The following PDK1 variants were observed in gnomAD, a reference collection of about 807,000 sequenced individuals.
PDK1 encodes [Pyruvate dehydrogenase (acetyl-transferring)] kinase isozyme 1, mitochondrial.
In PDK1, 39 loss-of-function variants were observed where a neutral mutation model predicts 54.2. That is an observed-to-expected ratio of 0.72 (90% confidence interval 0.56 to 0.94). The LOEUF is 0.94. Ranked by LOEUF, PDK1 falls within the 40% of genes least tolerant of loss-of-function variation. PDK1 has a pLI of 0.00. For synonymous variants in PDK1, 221 were observed against 207.1 expected, an observed-to-expected ratio of 1.07 and a Z score of -0.58; for missense variants, 552 against 566.0, an observed-to-expected ratio of 0.98 and a Z score of 0.25.
intron 1 of PDK1, 64 bp downstream of exon 1, chr2:172,556,410 C>T (rs1312302601): frequency 2.4e-6 from 3 of 1,242,686 alleles, no homozygotes; most frequent in East Asian, 3.0e-5. Context: ...GCGGCCGCTG[C>T]CCCAGGCCGG....
At chr2:172,573,975 G>A (rs1689440052) in intron 8 of PDK1, among the ~76,000 whole-genome samples, 1 of 152,060 alleles carries the variant, frequency 6.6e-6, no homozygotes, top group Non-Finnish European at 1.5e-5. Context: ...CACATTGCAT[G>A]TGATTTCAGT....
At chr2:172,701,054 G>C in the PDK1 span, among the ~76,000 whole-genome samples, 2 of 152,000 alleles carry the variant, frequency 1.3e-5, no homozygotes, top group African/African-American at 2.4e-5. Flanking sequence ...AGGGAGAAGA[G>C]GGAGAGGGAG....
At chr2:172,710,163 C>T in the PDK1 span, among the ~76,000 whole-genome samples, 1 of 152,044 alleles carries the variant, frequency 6.6e-6, no homozygotes, top group South Asian at 2.1e-4. Context: ...CCAGAGGAAG[C>T]GATGCTGGAA....
chr2:172,570,854 T>C (rs765958756), intron 8 of PDK1, 30 bp downstream of exon 8: 15 of 1,306,086 alleles, frequency 1.1e-5, no homozygotes, highest in Non-Finnish European at 1.5e-5. Flanking sequence ...TGTTTTCTTT[T>C]TTTTTTTTTT....
the PDK1 span, among the ~76,000 whole-genome samples, chr2:172,664,311 C>CAAA: frequency 0.018 from 778 of 44,122 alleles, 197 homozygotes; most frequent in African/African-American, 0.052. Flanking sequence ...AACTCTGCCT[C>CAAA]AAAAAAAAAA....
At chr2:172,653,482 A>C in the PDK1 span, among the ~76,000 whole-genome samples, 1 of 152,138 alleles carries the variant, frequency 6.6e-6, no homozygotes, top group African/African-American at 2.4e-5. Flanking sequence ...GGGCACCTGT[A>C]ATCCTGGCTA....
Position 172,565,151 on chromosome 2 carries a change from A to G in PDK1, c.691+78A>G, listed in dbSNP as rs1244706598. The G allele has an allele frequency of 3.6e-6, 3 of 841,438 alleles. No individual in the cohort carries two copies. The African/African-American group carries it at 5.1e-5, about 14-fold the overall frequency. 52.1% of individuals were successfully genotyped at this position (841,438 alleles called of 1,614,324 possible). Reference sequence around the variant, plus strand: ...GTTATTTCTTACTATTAAAACATCTATTTGTATCATGAGATAAAATGGTAG... The same window carrying G: ...GTTATTTCTTACTATTAAAACATCTGTTTGTATCATGAGATAAAATGGTAG... On this transcript the variant is annotated intron_variant, in intron 5 of 10. Transcript: ENST00000282077.
the PDK1 span, among the ~76,000 whole-genome samples, chr2:172,665,976 G>A: frequency 2.6e-5 from 4 of 152,150 alleles, no homozygotes; most frequent in Non-Finnish European, 5.9e-5. Flanking sequence ...TAAGGATGAT[G>A]GAACAGAAAA....
the PDK1 span, among the ~76,000 whole-genome samples, chr2:172,672,888 G>T: frequency 1.7e-3 from 256 of 150,924 alleles, no homozygotes; most frequent in African/African-American, 5.9e-3. Context: ...TTAGCAGCAG[G>T]ACATACCCAA....
the PDK1 span, among the ~76,000 whole-genome samples, chr2:172,685,813 C>T: frequency 3.3e-3 from 507 of 152,250 alleles, 7 homozygotes; most frequent in African/African-American, 0.011. Context: ...CCACCTCATT[C>T]GATGCTGAAC....
rs2149321676 is a variant in PDK1, at chr2:172,605,453, G to T, written c.*9484G>T. Reference sequence around the variant, plus strand: ...TGTAGTGGTGTGATCTCAGCTCAGTGCAGCGTCTGCTTCCTGGGTTCAAGT... The same window carrying T: ...TGTAGTGGTGTGATCTCAGCTCAGTTCAGCGTCTGCTTCCTGGGTTCAAGT... On this transcript the variant is annotated 3_prime_UTR_variant, in exon 11 of 11. Coordinates refer to ENST00000282077, the MANE Select transcript of PDK1 (RefSeq NM_002610.5). The T allele has an allele frequency of 6.8e-6, 1 of 146,126 alleles. No homozygotes were observed. The highest frequency in any genetic ancestry group is 2.1e-4 in the East Asian group (1 of 4,878). 9.1% of individuals were successfully genotyped at this position (146,126 alleles called of 1,614,324 possible).
chr2:172,664,311 C>CAAAAAAAAAA, the PDK1 span, among the ~76,000 whole-genome samples: 680 of 44,174 alleles, frequency 0.015, 214 homozygotes, highest in East Asian at 0.43. Context: ...AACTCTGCCT[C>CAAAAAAAAAA]AAAAAAAAAA....
chr2:172,697,408 T>C, the PDK1 span, among the ~76,000 whole-genome samples: 1 of 152,224 alleles, frequency 6.6e-6, no homozygotes, highest in Non-Finnish European at 1.5e-5. Context: ...TCCAGCTTTA[T>C]CAAGCCTCTG....
intron 6 of PDK1, among the ~76,000 whole-genome samples, chr2:172,568,057 G>A (rs1689048035): frequency 6.6e-6 from 1 of 152,112 alleles, no homozygotes; most frequent in Non-Finnish European, 1.5e-5. Context: ...GTATGGGCTG[G>A]GCGCAGTGGC....
At chr2:172,631,325 A>G in the PDK1 span, among the ~76,000 whole-genome samples, 3 of 152,216 alleles carry the variant, frequency 2.0e-5, no homozygotes, top group Non-Finnish European at 4.4e-5. Flanking sequence ...TGTGTTGTTT[A>G]CTAGAAGACA....
chr2:172,714,567 A>G, the PDK1 span, among the ~76,000 whole-genome samples: 2 of 152,110 alleles, frequency 1.3e-5, no homozygotes, highest in East Asian at 3.9e-4. Flanking sequence ...TTGTTATCAC[A>G]GTTATTAATA....
chr2:172,686,337 G>C, the PDK1 span, among the ~76,000 whole-genome samples: 1 of 152,146 alleles, frequency 6.6e-6, no homozygotes, highest in Non-Finnish European at 1.5e-5. Context: ...GCACCAATCA[G>C]TGCTCTGTAA....
At chr2:172,716,160 G>A in the PDK1 span, among the ~76,000 whole-genome samples, 2 of 152,154 alleles carry the variant, frequency 1.3e-5, no homozygotes, top group Non-Finnish European at 2.9e-5. Context: ...AGATGGATGT[G>A]TAGAAGGCAT....
chr2:172,716,890 A>AACTTCATC, the PDK1 span, among the ~76,000 whole-genome samples: 3 of 152,232 alleles, frequency 2.0e-5, no homozygotes, highest in Non-Finnish European at 4.4e-5. Flanking sequence ...ATTGGAACAA[A>AACTTCATC]ACTTCATCAA....
Sources: allele counts gnomAD v4.1 joint callset (sites outside exome capture counted in the v4.1 genomes callset), GRCh38; gene constraint gnomAD v4.1.1; transcripts MANE v1.5; gene names NCBI Gene and HGNC (gene_info 2026-07-23, HGNC 2026-07-21).